Variants in STK11IP observed in about 807,000 individuals in gnomAD.
STK11IP encodes serine/threonine-protein kinase 11-interacting protein.
A neutral mutation model predicts 131.7 loss-of-function variants in STK11IP; 103 were observed. The ratio of observed to expected loss-of-function variants is 0.78; its 90% confidence interval spans 0.67 to 0.92. The LOEUF (loss-of-function observed/expected upper bound fraction) is 0.92, where lower values mean the gene tolerates loss of function less well. Ranked by LOEUF, STK11IP falls within the 40% of genes least tolerant of loss-of-function variation. STK11IP has a pLI of 0.00. For missense variants in STK11IP, 1,315 were observed against 1,385.7 expected, an observed-to-expected ratio of 0.95 and a Z score of 0.81; for synonymous variants, 557 against 575.6, an observed-to-expected ratio of 0.97 and a Z score of 0.46.
chr2:219,601,113 T>A, intron 2 of STK11IP, 122 bp from the exon 3 acceptor site: 1 of 739,942 alleles, frequency 1.4e-6, no homozygotes, highest in South Asian at 1.9e-5. Flanking sequence ...GAAAATTTGA[T>A]CCTGCAATAG....
At position 219,609,364 on chromosome 2, in the gene STK11IP, A is replaced by G. The variant is rs769430627; in HGVS notation, c.1928A>G (p.Glu643Gly). 2 of 1,613,418 alleles carry G rather than the reference A, an allele frequency of 1.2e-6. No individual in the cohort carries two copies. The highest frequency in any genetic ancestry group is 1.7e-6 in the Non-Finnish European group (2 of 1,179,738). Residue 643 changes from glutamate (E) to glycine (G), a missense_variant and splice_region_variant, in exon 17 of 25, where the codon GAG (glutamate) becomes GGG (glycine). Physicochemically the swap from Glu to Gly is moderately conservative, Grantham distance 98. Transcript: ENST00000456909. Reference sequence around the variant, plus strand: ...TGCCTCTGATCCACCCTCTGTCAGGAGCTGCTTGCCGTGTTGACCCCAGTC... The same window carrying G: ...TGCCTCTGATCCACCCTCTGTCAGGGGCTGCTTGCCGTGTTGACCCCAGTC... ...LEPDAHAAVQ[E>G]LLAVLTPVTN...
chr2:219,608,560 CT>C, intron 14 of STK11IP, 22 bp from the exon 15 acceptor site: 1 of 1,561,012 alleles, frequency 6.4e-7, no homozygotes, highest in Non-Finnish European at 8.7e-7. Flanking sequence ...CCCTGCAGGC[CT>C]TTTCTCTTGG....
Position 219,609,545 on chromosome 2 carries a change from A to G in STK11IP, c.2104+5A>G, listed in dbSNP as rs1698323916. On this transcript the variant is annotated splice_donor_5th_base_variant and intron_variant, in intron 17 of 24. Coordinates refer to ENST00000456909, the MANE Select transcript of STK11IP (RefSeq NM_052902.4). ...GGCCTCTGTTCCAAAAGACAGGTAC[A>G]AGTCCTGCCCTTGACCTCTCTGCCC... The G allele has an allele frequency of 3.2e-6, 5 of 1,557,442 alleles. No homozygotes were observed. Among genetic ancestry groups the G allele is most frequent in the Non-Finnish European group, 4.3e-6 (5 of 1,150,250 alleles).
At position 219,616,432 on chromosome 2, in the gene STK11IP, AAAGTT is replaced by A. The variant is rs1433936221; in HGVS notation, c.*240_*244del. 2.0e-6 allele frequency: 1 copy of A among 509,160 alleles called. No homozygotes were observed. The highest frequency in any genetic ancestry group is 3.2e-5 in the Admixed American group (1 of 30,994). The allele number at this position is 509,160 out of a possible 1,614,324, so 31.5% of individuals were successfully genotyped here. A position where few individuals can be genotyped will look rare whatever the true frequency, so the allele number is the denominator to read the frequency against. On this transcript the variant is annotated 3_prime_UTR_variant, in exon 25 of 25. Coordinates refer to ENST00000456909, the MANE Select transcript of STK11IP (RefSeq NM_052902.4). The stretch of plus-strand genomic sequence containing the variant: ...CCTGCACTTTTTCTCAGGTATCAAT[AAAGTT>A]GTTTCCAACTCATAGGTCATGTGTG...
Position 219,607,107 on chromosome 2 carries a change from G to A in STK11IP, c.1189G>A (p.Glu397Lys). ...SISEPSDTDP[E>K]PRTLNPSPAG... ...CTCTGAACCCAGTGATACGGACCCG[G>A]AGCCCCGAACTCTGAACCCCTCTCC... is the stretch of plus-strand genomic sequence containing the variant. The change falls in exon 13 of 25, where the codon GAG (glutamate) becomes AAG (lysine). Residue 397 changes from glutamate (E) to lysine (K), a missense_variant. Glu to Lys is a moderately conservative substitution (Grantham distance 56, BLOSUM62 1). Transcript: ENST00000456909. 1.2e-6 allele frequency: 2 copies of A among 1,613,874 alleles called. No individual in the cohort carries two copies. The highest frequency in any genetic ancestry group is 1.7e-6 in the Non-Finnish European group (2 of 1,179,882).
intron 7 of STK11IP, among the ~76,000 whole-genome samples, chr2:219,605,266 A>G (rs1324167229): frequency 1.3e-5 from 2 of 152,206 alleles, no homozygotes; most frequent in Admixed American, 1.3e-4. Context: ...ACTTACCAAA[A>G]TAAGGCCCTT....
In STK11IP at chr2:219,602,580, G is replaced by A. The variant is rs370860563; in HGVS notation, c.546+5G>A. The A allele has an allele frequency of 6.2e-6, 10 of 1,613,686 alleles. No individual in the cohort carries two copies. The African/African-American group carries it at 1.2e-4, about 19-fold the overall frequency. The stretch of plus-strand genomic sequence containing the variant: ...ACCGCCTTAGACAGCTCCCTGGTGA[G>A]TGCCTCAGAGGGAAGAGGGTTTCGA... On this transcript the variant is annotated splice_donor_5th_base_variant and intron_variant, in intron 6 of 24. Transcript: ENST00000456909.
At chr2:219,606,654 C>A in intron 11 of STK11IP, 58 bp from the exon 12 acceptor site, 1 of 1,594,382 alleles carries the variant, frequency 6.3e-7, no homozygotes. Flanking sequence ...CTGGCTTGGG[C>A]AAGGCAGAGG....
In STK11IP at chr2:219,611,709, C is replaced by G; in HGVS notation, c.2210C>G (p.Ala737Gly). Residue 737 changes from alanine to glycine, a missense_variant, in exon 18 of 25, where the codon GCT becomes GGT. Transcript: ENST00000456909. ...RERKQGEQSL[A>G]PSPSASPVCH... is the part of the protein sequence containing the mutation. ...CGGAAACAGGGAGAGCAGTCTCTGGCTCCTTCTCCGTCTGCCAGCCCTGTC... is the reference window on the plus strand; with the variant it reads ...CGGAAACAGGGAGAGCAGTCTCTGGGTCCTTCTCCGTCTGCCAGCCCTGTC... 1.9e-6 allele frequency: 3 copies of G among 1,613,058 alleles called. No homozygotes were observed. Among genetic ancestry groups the G allele is most frequent in the Non-Finnish European group, 2.5e-6 (3 of 1,179,882 alleles).
chr2:219,615,711 G>C (rs1157948602), intron 24 of STK11IP: 1 of 642,826 alleles, frequency 1.6e-6, no homozygotes. Flanking sequence ...TTACAGGTGA[G>C]GAAGCTGAGG....
intron 10 of STK11IP, 42 bp downstream of exon 10, chr2:219,606,332 C>T: frequency 6.5e-7 from 1 of 1,546,704 alleles, no homozygotes; most frequent in Non-Finnish European, 8.8e-7. Flanking sequence ...CCCTTTCCTG[C>T]CCAGTCCTCC....
rs758658876 is a variant in STK11IP at position 219,608,154 on chromosome 2, C to T, written c.1327C>T (p.Pro443Ser). The T allele has an allele frequency of 4.3e-6, 7 of 1,613,490 alleles. No individual in the cohort carries two copies. The stretch of plus-strand genomic sequence containing the variant: ...GAGTCACCTGGAGCCCTCCGGAAAC[C>T]CTCTGCCGGCCACCCCCACTACTTC... ...YRSHLEPSGN[P>S]LPATPTTSAP... The change falls in exon 14 of 25, where the codon CCT becomes TCT. Residue 443 changes from proline to serine, a missense_variant. Transcript: ENST00000456909.
chr2:219,600,521 T>C (rs558359871), intron 2 of STK11IP, among the ~76,000 whole-genome samples: 41 of 152,356 alleles, frequency 2.7e-4, no homozygotes, highest in Middle Eastern at 6.8e-3. Context: ...TCCATACTTA[T>C]TATATTTTTT....
intron 7 of STK11IP, 118 bp from the exon 8 acceptor site, chr2:219,605,490 T>A (rs1348545060): frequency 1.1e-6 from 1 of 928,870 alleles, no homozygotes; most frequent in Non-Finnish European, 1.6e-6. Flanking sequence ...TCATTTGTGC[T>A]GAGTGTGTGC....
In STK11IP at chr2:219,608,588, C is replaced by G; in HGVS notation, c.1609C>G (p.Leu537Val). Reference protein sequence around the residue: ...EQDQKEVEAELCRPLLVCPLE... With the variant: ...EQDQKEVEAEVCRPLLVCPLE... ...TTCTCTTGGTCTCTCCACAGCGGAACTCTGTCGCCCCTTGTTGGTGTGTCC... is the reference window on the plus strand; with the variant it reads ...TTCTCTTGGTCTCTCCACAGCGGAAGTCTGTCGCCCCTTGTTGGTGTGTCC... The change falls in exon 15 of 25, where the codon CTC (leucine) becomes GTC (valine). Residue 537 changes from leucine (L) to valine (V), a missense_variant. By Grantham distance (32) the Leu-to-Val change is conservative (BLOSUM62 1). Transcript: ENST00000456909. The G allele has an allele frequency of 8.8e-6, 14 of 1,591,996 alleles. No homozygotes were observed. The highest frequency in any genetic ancestry group is 1.2e-5 in the Non-Finnish European group (14 of 1,167,438).
intron 2 of STK11IP, among the ~76,000 whole-genome samples, chr2:219,600,030 C>T (rs369604867): frequency 3.4e-5 from 5 of 147,838 alleles, no homozygotes; most frequent in African/African-American, 1.3e-4. Flanking sequence ...GCCACCACGC[C>T]TGCCCTTTGT....
chr2:219,608,926 G>C lies in STK11IP; in HGVS notation c.1809+138G>C, dbSNP rs1257670594. ...AGGAGGGGAGCCTCAGAGGTTGCAA[G>C]CACTCGGGAAGCTGGGCTGAGGAGC... On this transcript the variant is annotated intron_variant, in intron 15 of 24. Transcript: ENST00000456909. 2.6e-6 allele frequency: 3 copies of C among 1,165,738 alleles called. No individual in the cohort carries two copies. The African/African-American group carries it at 4.7e-5, about 18-fold the overall frequency. The allele number at this position is 1,165,738 out of a possible 1,614,324, so 72.2% of individuals were successfully genotyped here.
Position 219,609,169 on chromosome 2 carries a change from C to T in STK11IP, c.1882C>T (p.Arg628Cys), listed in dbSNP as rs1003766827. 8.7e-6 allele frequency: 14 copies of T among 1,610,082 alleles called. No individual in the cohort carries two copies. The highest frequency in any genetic ancestry group is 1.6e-4 in the Middle Eastern group (1 of 6,082). The part of the protein sequence containing the change: ...FSYICPDRQL[R>C]RYLVLEPDAH... The stretch of plus-strand genomic sequence containing the variant: ...CTACATCTGCCCTGACCGGCAGTTG[C>T]GTCGCTATTTGGTGCTGGAGCCTGA... Residue 628 changes from arginine (R) to cysteine (C), a missense_variant, in exon 16 of 25, where the codon CGT (arginine) becomes TGT (cysteine). By Grantham distance (180) the Arg-to-Cys change is radical. Transcript: ENST00000456909.
At chr2:219,598,547 T>G (rs781013230) in intron 2 of STK11IP, 5 of 190,930 alleles carry the variant, frequency 2.6e-5, no homozygotes, top group Non-Finnish European at 5.3e-5. Flanking sequence ...AGATTTGGAG[T>G]CGGACCCACT....
Sources: allele counts gnomAD v4.1 joint callset (sites outside exome capture counted in the v4.1 genomes callset), GRCh38; gene constraint gnomAD v4.1.1; transcripts MANE v1.5; gene names NCBI Gene and HGNC (gene_info 2026-07-23, HGNC 2026-07-21).